The following ADA variants were observed in gnomAD, a reference collection of about 807,000 sequenced individuals.
ADA encodes the protein adenosine aminohydrolase.
ADA carries 45 observed loss-of-function variants against 49.0 expected under a neutral mutation model. The ratio of observed to expected loss-of-function variants is 0.92; its 90% CI spans 0.72 to 1.18. ADA has a LOEUF of 1.18. Ranked by LOEUF, ADA falls within the 50% of genes most tolerant of loss-of-function variation. The probability of loss-of-function intolerance (pLI) is 0.00; values close to 1 mark genes in which losing one functional copy is unlikely to be tolerated. For synonymous variants in ADA, 173 were observed against 184.2 expected (o/e 0.94, Z 0.49); for missense variants, 445 against 472.5 (o/e 0.94, Z 0.54).
intron 1 of ADA, among the ~76,000 whole-genome samples, chr20:44,651,159 A>C (rs1392072943): frequency 6.6e-6 from 1 of 152,136 alleles, no homozygotes; most frequent in African/African-American, 2.4e-5. Flanking sequence ...TGGCGTACAA[A>C]GCTGCTTCCA....
intron 1 of ADA, among the ~76,000 whole-genome samples, chr20:44,648,311 C>A (rs2065611199): frequency 6.6e-6 from 1 of 152,002 alleles, no homozygotes; most frequent in Non-Finnish European, 1.5e-5. Context: ...TTGGGCATCC[C>A]CTGACGATGA....
chr20:44,641,969 T>C (rs1293669770), intron 1 of ADA, among the ~76,000 whole-genome samples: 2 of 152,084 alleles, frequency 1.3e-5, no homozygotes, highest in South Asian at 2.1e-4. Flanking sequence ...GGTTTCACCA[T>C]GTTGGCCAGG....
At chr20:44,645,082 A>T (rs1224880997) in intron 1 of ADA, among the ~76,000 whole-genome samples, 1 of 152,164 alleles carries the variant, frequency 6.6e-6, no homozygotes, top group Non-Finnish European at 1.5e-5. Context: ...TGGGTCACTG[A>T]TGCTAACATC....
intron 2 of ADA, among the ~76,000 whole-genome samples, chr20:44,629,585 T>C (rs1476916468): frequency 6.6e-6 from 1 of 152,204 alleles, no homozygotes; most frequent in Non-Finnish European, 1.5e-5. Context: ...TCAGGGGTTA[T>C]CAGGGGCAGT....
chr20:44,631,823 T>C (rs1348968334), intron 2 of ADA, among the ~76,000 whole-genome samples: 1 of 152,180 alleles, frequency 6.6e-6, no homozygotes, highest in Admixed American at 6.5e-5. Context: ...TGCTGGGCAC[T>C]GGGCAGATAG....
intron 1 of ADA, among the ~76,000 whole-genome samples, chr20:44,639,261 C>T (rs1411665014): frequency 1.3e-5 from 2 of 152,098 alleles, no homozygotes; most frequent in African/African-American, 4.8e-5. Flanking sequence ...GCTCACACTT[C>T]AGGTTAGGCC....
chr20:44,641,120 G>A lies in ADA; in HGVS notation c.34-4832C>T, dbSNP rs571001893. On this transcript the variant is annotated intron_variant, in intron 1 of 11. Coordinates refer to ENST00000372874, the MANE Select transcript of ADA (RefSeq NM_000022.4). ...AGGATGGAAGGGCAGAAACTTGTCC[G>A]TCGGGCTAAAAGCGCAGGCACTGGG... Among the ~76,000 whole-genome samples, 19 of 152,298 alleles carry A rather than the reference G, an allele frequency of 1.2e-4. No individual in the cohort carries two copies. The South Asian group carries it at 1.4e-3, about 12-fold the overall frequency.
At chr20:44,622,053 C>G (rs2065337010) in intron 9 of ADA, among the ~76,000 whole-genome samples, 1 of 152,200 alleles carries the variant, frequency 6.6e-6, no homozygotes, top group Non-Finnish European at 1.5e-5. Context: ...GGGAAGGCGG[C>G]TTTTTCCTAA....
rs1207791081 is a variant in ADA at position 44,651,628 on chromosome 20, C to T, written c.-21G>A. 6.6e-7 allele frequency: 1 copy of T among 1,513,524 alleles called. No homozygotes were observed. The highest frequency in any genetic ancestry group is 8.8e-7 in the Non-Finnish European group (1 of 1,138,580). 93.8% of individuals were successfully genotyped at this position (1,513,524 alleles called of 1,614,324 possible). A position where few individuals can be genotyped will look rare whatever the true frequency, so the allele number is the denominator to read the frequency against. On this transcript the variant is annotated 5_prime_UTR_variant, in exon 1 of 12. Transcript: ENST00000372874. ...GCCATGGTGCCCTCGTGCGCCCCGG[C>T]GCTGCTCCCTCCGCCGCCGCTCGGT... is the stretch of plus-strand genomic sequence containing the variant.
chr20:44,625,742 C>G, intron 4 of ADA, 58 bp from the exon 5 acceptor site: 2 of 1,398,954 alleles, frequency 1.4e-6, no homozygotes, highest in Non-Finnish European at 2.0e-6. Context: ...TAAAGGGCAG[C>G]TCTGGGACTG....
Position 44,619,762 on chromosome 20 carries a change from A to G in ADA, c.*72T>C. ...ATCATGGTCTTCTTGGAAGGAATAA[A>G]TGTAAAAATGTTGCTCAGCCCCACA... On this transcript the variant is annotated 3_prime_UTR_variant, in exon 12 of 12. Transcript: ENST00000372874. 1 of 1,581,612 alleles carries G rather than the reference A, an allele frequency of 6.3e-7. No homozygotes were observed. Among genetic ancestry groups the G allele is most frequent in the Non-Finnish European group, 8.7e-7 (1 of 1,151,028 alleles).
intron 3 of ADA, 31 bp from the exon 4 acceptor site, chr20:44,626,630 C>T (rs752698529): frequency 6.2e-7 from 1 of 1,613,154 alleles, no homozygotes; most frequent in South Asian, 1.1e-5. Flanking sequence ...TTGGGAACAA[C>T]CTTCCCCAAG....
chr20:44,622,990 C>T lies in ADA; in HGVS notation c.678+17G>A. 2 of 1,614,208 alleles carry T rather than the reference C, an allele frequency of 1.2e-6. No homozygotes were observed. Among genetic ancestry groups the T allele is most frequent in the Non-Finnish European group, 1.7e-6 (2 of 1,180,042 alleles). On this transcript the variant is annotated intron_variant, in intron 7 of 11. Coordinates refer to ENST00000372874, the MANE Select transcript of ADA (RefSeq NM_000022.4). Reference sequence around the variant, plus strand: ...GAGGCAGTGAGGAGGGACCCCATGGCCAGCCCAGGCCCTCACCTCTTTTAC... The same window carrying T: ...GAGGCAGTGAGGAGGGACCCCATGGTCAGCCCAGGCCCTCACCTCTTTTAC...
intron 1 of ADA, among the ~76,000 whole-genome samples, chr20:44,641,690 C>T (rs1403270719): frequency 6.6e-6 from 1 of 151,708 alleles, no homozygotes; most frequent in South Asian, 2.1e-4. Flanking sequence ...GTCACGTCCG[C>T]TTGTGGGTGG....
chr20:44,646,091 G>A (rs1263302375), intron 1 of ADA, among the ~76,000 whole-genome samples: 1 of 152,106 alleles, frequency 6.6e-6, no homozygotes, highest in African/African-American at 2.4e-5. Context: ...GGGTACCACA[G>A]GGACCCCTTC....
Position 44,622,664 on chromosome 20 carries a change from G to A in ADA, c.781-12C>T, listed in dbSNP as rs773016155. 4.3e-6 allele frequency: 7 copies of A among 1,614,204 alleles called. No homozygotes were observed. The highest frequency in any genetic ancestry group is 4.2e-6 in the Non-Finnish European group (5 of 1,180,026). On this transcript the variant is annotated splice_polypyrimidine_tract_variant and intron_variant, in intron 8 of 11. Transcript: ENST00000372874. Reference sequence around the variant, plus strand: ...GACCAGGGGCAGATCTGGAAGAGCAGGTGTGTGGCTGGCAGGGATGGCCCC... The same window carrying A: ...GACCAGGGGCAGATCTGGAAGAGCAAGTGTGTGGCTGGCAGGGATGGCCCC...
intron 1 of ADA, among the ~76,000 whole-genome samples, chr20:44,643,040 G>A (rs2065552915): frequency 6.6e-6 from 1 of 152,276 alleles, no homozygotes; most frequent in African/African-American, 2.4e-5. Flanking sequence ...GGTGGCTCAA[G>A]CTCAGGCAGG....
At chr20:44,632,512 G>T (rs1455702442) in intron 2 of ADA, among the ~76,000 whole-genome samples, 1 of 152,152 alleles carries the variant, frequency 6.6e-6, no homozygotes, top group African/African-American at 2.4e-5. Flanking sequence ...GAGCACAGGG[G>T]ACTCCCAGTG....
intron 1 of ADA, among the ~76,000 whole-genome samples, chr20:44,648,651 TG>T (rs2065615144): frequency 6.6e-6 from 1 of 152,054 alleles, no homozygotes; most frequent in Non-Finnish European, 1.5e-5. Flanking sequence ...CCCCGTATCT[TG>T]TTTGCTACCT....
Sources: allele counts gnomAD v4.1 joint callset (sites outside exome capture counted in the v4.1 genomes callset), GRCh38; gene constraint gnomAD v4.1.1; transcripts MANE v1.5; gene names NCBI Gene and HGNC (gene_info 2026-07-23, HGNC 2026-07-21).